The following POU6F2 variants were observed in gnomAD, a reference collection of about 807,000 sequenced individuals.
The protein encoded by POU6F2 is POU domain, class 6, transcription factor 2.
POU6F2 carries 31 observed loss-of-function variants against 71.3 expected under a neutral mutation model. That is an observed-to-expected ratio of 0.43 (90% CI 0.33 to 0.59). The LOEUF is 0.59. POU6F2 is among the 20% of genes least tolerant of loss of function. The pLI, the probability that POU6F2 is intolerant of heterozygous loss-of-function variation, is 0.04. For synonymous variants in POU6F2, 347 were observed against 355.7 expected (o/e 0.98, Z 0.27); for missense variants, 783 against 856.8 (o/e 0.91, Z 1.07).
intron 7 of POU6F2, among the ~76,000 whole-genome samples, chr7:39,447,356 G>A (rs1187047197): frequency 6.6e-6 from 1 of 152,128 alleles, no homozygotes; most frequent in East Asian, 1.9e-4. Flanking sequence ...CCAGCTCCCT[G>A]CTGTTTCCCT....
At chr7:39,188,137 A>C (rs78950051) in intron 2 of POU6F2, among the ~76,000 whole-genome samples, 2 of 152,318 alleles carry the variant, frequency 1.3e-5, no homozygotes, top group East Asian at 1.9e-4. Context: ...CTTTTTATTC[A>C]GTAATCTCTT....
chr7:39,025,137 G>T (rs1035657855), intron 1 of POU6F2, among the ~76,000 whole-genome samples: 2 of 152,100 alleles, frequency 1.3e-5, no homozygotes, highest in Non-Finnish European at 2.9e-5. Context: ...TCTGGTCCTG[G>T]ACTGTTTTTG....
intron 6 of POU6F2, among the ~76,000 whole-genome samples, chr7:39,413,157 C>CA (rs988056076): frequency 4.5e-4 from 68 of 150,146 alleles, no homozygotes; most frequent in African/African-American, 1.4e-3. Context: ...GAAGCAGCCA[C>CA]AAAAAAAATA....
At chr7:39,016,199 A>C (rs1789544154) in intron 1 of POU6F2, among the ~76,000 whole-genome samples, 1 of 139,886 alleles carries the variant, frequency 7.1e-6, no homozygotes, top group African/African-American at 2.6e-5. Flanking sequence ...TATTATATAT[A>C]GATGTATATA....
chr7:39,019,762 T>G (rs1169322845), intron 1 of POU6F2, among the ~76,000 whole-genome samples: 1 of 152,186 alleles, frequency 6.6e-6, no homozygotes, highest in Non-Finnish European at 1.5e-5. Flanking sequence ...CCTTTGCTCC[T>G]TTTATCACTG....
chr7:39,162,464 A>G (rs1274929469), intron 2 of POU6F2, among the ~76,000 whole-genome samples: 2 of 152,206 alleles, frequency 1.3e-5, no homozygotes, highest in Admixed American at 1.3e-4. Context: ...TTTCAACGGA[A>G]TAGGTCTTAA....
At chr7:39,195,083 G>C (rs918427075) in intron 2 of POU6F2, among the ~76,000 whole-genome samples, 1 of 152,230 alleles carries the variant, frequency 6.6e-6, no homozygotes, top group African/African-American at 2.4e-5. Flanking sequence ...GGACACAGTA[G>C]CACATGACAA....
intron 4 of POU6F2, among the ~76,000 whole-genome samples, chr7:39,235,857 G>T (rs1794665405): frequency 6.6e-6 from 1 of 152,126 alleles, no homozygotes; most frequent in African/African-American, 2.4e-5. Context: ...GGGAAAATGA[G>T]CCTGTACCTC....
At chr7:39,175,634 T>A (rs1219465863) in intron 2 of POU6F2, among the ~76,000 whole-genome samples, 2 of 152,158 alleles carry the variant, frequency 1.3e-5, no homozygotes, top group Non-Finnish European at 2.9e-5. Flanking sequence ...TGTCTTTATA[T>A]CAATGCAGTC....
At chr7:39,277,241 T>C (rs529810026) in intron 4 of POU6F2, among the ~76,000 whole-genome samples, 9 of 152,290 alleles carry the variant, frequency 5.9e-5, no homozygotes, top group African/African-American at 1.9e-4. Flanking sequence ...AAAACACATT[T>C]TTAAATTTAA....
At chr7:39,413,411 A>T (rs1429928534) in intron 6 of POU6F2, among the ~76,000 whole-genome samples, 1 of 152,242 alleles carries the variant, frequency 6.6e-6, no homozygotes, top group Non-Finnish European at 1.5e-5. Flanking sequence ...TATTGTTTCT[A>T]TATTTTGAAT....
At chr7:39,048,813 C>G (rs529670418) in intron 1 of POU6F2, among the ~76,000 whole-genome samples, 1 of 152,076 alleles carries the variant, frequency 6.6e-6, no homozygotes, top group South Asian at 2.1e-4. Context: ...TATGAGCCGT[C>G]CCTTTTTTCC....
At chr7:39,331,513 T>A (rs1562792952) in intron 4 of POU6F2, among the ~76,000 whole-genome samples, 1 of 152,070 alleles carries the variant, frequency 6.6e-6, no homozygotes, top group Admixed American at 6.5e-5. Context: ...TTTGTTTTGT[T>A]GTTGTTGTTT....
intron 4 of POU6F2, among the ~76,000 whole-genome samples, chr7:39,315,086 T>G (rs959341372): frequency 6.6e-6 from 1 of 152,208 alleles, no homozygotes. Flanking sequence ...GTATCATGCT[T>G]TATAGCATAG....
chr7:39,353,219 T>A (rs1483873781), intron 5 of POU6F2, among the ~76,000 whole-genome samples: 2 of 152,202 alleles, frequency 1.3e-5, no homozygotes, highest in East Asian at 3.9e-4. Context: ...ATTCACACTT[T>A]CATCTTCAAA....
chr7:39,050,334 C>T (rs2128713759), intron 1 of POU6F2, among the ~76,000 whole-genome samples: 1 of 152,142 alleles, frequency 6.6e-6, no homozygotes, highest in East Asian at 1.9e-4. Flanking sequence ...GTTGATGGGT[C>T]TCTATGTGGA....
At chr7:39,296,527 CT>C (rs1403760561) in intron 4 of POU6F2, among the ~76,000 whole-genome samples, 2 of 152,214 alleles carry the variant, frequency 1.3e-5, no homozygotes, top group Non-Finnish European at 2.9e-5. Context: ...CCTTGTAGCT[CT>C]TGGGATAAAA....
chr7:39,436,054 A>G (rs1788234199), intron 7 of POU6F2, among the ~76,000 whole-genome samples: 1 of 152,044 alleles, frequency 6.6e-6, no homozygotes, highest in Non-Finnish European at 1.5e-5. Flanking sequence ...AGTGAGGCGG[A>G]GTGATGCCTC....
chr7:39,439,184 GT>G (rs61692037), intron 7 of POU6F2, among the ~76,000 whole-genome samples: 5 of 148,384 alleles, frequency 3.4e-5, no homozygotes, highest in East Asian at 3.9e-4. Context: ...GCAACCCCTG[GT>G]TTTTTTTTTG....
Sources: gnomAD v4.1 joint callset for allele counts (sites outside exome capture counted in the v4.1 genomes callset) on GRCh38, gnomAD v4.1.1 for gene constraint, MANE v1.5 for transcripts, NCBI Gene and HGNC (gene_info 2026-07-23, HGNC 2026-07-21) for gene names.